The following GULP1 variants were observed in gnomAD, a reference collection of about 807,000 sequenced individuals.
The protein encoded by GULP1 is PTB domain-containing engulfment adapter protein 1.
GULP1 carries 19 observed loss-of-function variants against 40.9 expected under a neutral mutation model. That is an observed-to-expected ratio of 0.46 (90% CI 0.32 to 0.68). The LOEUF (loss-of-function observed/expected upper bound fraction) is 0.68. Ranked by LOEUF, GULP1 falls within the 30% of genes least tolerant of loss-of-function variation. GULP1 has a pLI of 0.03. For synonymous variants in GULP1, 119 were observed against 117.6 expected (o/e 1.01, Z -0.08); for missense variants, 312 against 362.2 (o/e 0.86, Z 1.12).
intron 4 of GULP1, among the ~76,000 whole-genome samples, chr2:188,483,716 TTTC>T (rs2061617046): frequency 6.6e-6 from 1 of 152,146 alleles, no homozygotes; most frequent in Non-Finnish European, 1.5e-5. Flanking sequence ...TCAAACGTGT[TTTC>T]TTCAAGTGAT....
chr2:188,371,563 GGACA>G (rs2047600840), intron 1 of GULP1, among the ~76,000 whole-genome samples: 1 of 151,934 alleles, frequency 6.6e-6, no homozygotes, highest in Non-Finnish European at 1.5e-5. Flanking sequence ...ACTGTGTATG[GGACA>G]GAGTAGTTTT....
At chr2:188,318,113 T>C (rs911062635) in intron 1 of GULP1, among the ~76,000 whole-genome samples, 2 of 152,190 alleles carry the variant, frequency 1.3e-5, no homozygotes, top group African/African-American at 2.4e-5. Context: ...TAAAATGATA[T>C]GTTAATAAAT....
At chr2:188,495,002 C>T (rs1254056199) in intron 4 of GULP1, among the ~76,000 whole-genome samples, 1 of 152,022 alleles carries the variant, frequency 6.6e-6, no homozygotes, top group Non-Finnish European at 1.5e-5. Context: ...TTGTGGTATC[C>T]TGTGCTTAAC....
chr2:188,351,470 A>C (rs1378826753), intron 1 of GULP1, among the ~76,000 whole-genome samples: 2 of 152,094 alleles, frequency 1.3e-5, no homozygotes, highest in African/African-American at 4.8e-5. Flanking sequence ...GTCCCCCCAA[A>C]TTTCAAGTCG....
At position 188,338,029 on chromosome 2, in the gene GULP1, G is replaced by A. The variant is rs184410376; in HGVS notation, c.-171-45734G>A. 3.3e-5 allele frequency among the ~76,000 whole-genome samples: 5 copies of A among 151,942 alleles called. No individual in the cohort carries two copies. The East Asian group carries it at 5.8e-4, about 18-fold the overall frequency. ...TGCTTATTTCAAAGTCCTGTTTTCC[G>A]TATTTGTATTTTCAAAATTAGTATT... On this transcript the variant is annotated intron_variant, in intron 1 of 11. Coordinates refer to ENST00000409830, the MANE Select transcript of GULP1 (RefSeq NM_016315.4).
chr2:188,452,864 A>C (rs545307800), intron 2 of GULP1, among the ~76,000 whole-genome samples: 2 of 152,360 alleles, frequency 1.3e-5, no homozygotes, highest in South Asian at 4.1e-4. Context: ...AATCATATTA[A>C]AACTATTAGC....
intron 1 of GULP1, among the ~76,000 whole-genome samples, chr2:188,309,070 T>C (rs1559094773): frequency 6.6e-6 from 1 of 152,192 alleles, no homozygotes; most frequent in African/African-American, 2.4e-5. Context: ...ATTGTTACTT[T>C]GTTGTTTTTG....
At chr2:188,369,924 G>T (rs2047381237) in intron 1 of GULP1, among the ~76,000 whole-genome samples, 2 of 152,074 alleles carry the variant, frequency 1.3e-5, no homozygotes, top group Admixed American at 6.6e-5. Flanking sequence ...GCTCACGTCA[G>T]TCTTGACTCC....
chr2:188,547,261 G>C (rs1053975889), intron 7 of GULP1, among the ~76,000 whole-genome samples: 1 of 149,792 alleles, frequency 6.7e-6, no homozygotes, highest in African/African-American at 2.5e-5. Context: ...AAAAACACTA[G>C]AGATCTGAAT....
At chr2:188,376,641 T>C in intron 1 of GULP1, among the ~76,000 whole-genome samples, 1 of 152,234 alleles carries the variant, frequency 6.6e-6, no homozygotes, top group East Asian at 1.9e-4. Context: ...TATAAACTTA[T>C]ACTTCACTTG....
intron 2 of GULP1, among the ~76,000 whole-genome samples, chr2:188,387,065 G>A (rs982404585): frequency 7.3e-5 from 11 of 151,708 alleles, no homozygotes; most frequent in Non-Finnish European, 1.0e-4. Context: ...ATGAAACCCC[G>A]TCTCTACTAA....
At chr2:188,414,232 A>AG (rs35206110) in intron 2 of GULP1, among the ~76,000 whole-genome samples, 27,900 of 148,020 alleles carry the variant, frequency 0.19, 2,855 homozygotes, top group East Asian at 0.23. Flanking sequence ...AAAAAAAAAA[A>AG]AAAAGAAAAA....
chr2:188,300,866 C>A (rs1365844097), intron 1 of GULP1, among the ~76,000 whole-genome samples: 1 of 152,164 alleles, frequency 6.6e-6, no homozygotes, highest in Non-Finnish European at 1.5e-5. Flanking sequence ...TGAAAATTGA[C>A]AATACTGTCA....
chr2:188,504,187 A>G (rs973181604), intron 4 of GULP1, among the ~76,000 whole-genome samples: 4 of 151,948 alleles, frequency 2.6e-5, no homozygotes, highest in Non-Finnish European at 4.4e-5. Flanking sequence ...AACATTAATA[A>G]CATAGAGCTA....
intron 2 of GULP1, among the ~76,000 whole-genome samples, chr2:188,433,489 C>T (rs2057107347): frequency 6.6e-6 from 1 of 152,066 alleles, no homozygotes; most frequent in South Asian, 2.1e-4. Context: ...AATTAGGATC[C>T]TGAAAACTTC....
chr2:188,493,959 A>G (rs932261813), intron 4 of GULP1, among the ~76,000 whole-genome samples: 22 of 152,038 alleles, frequency 1.4e-4, no homozygotes, highest in East Asian at 1.9e-4. Context: ...ACCTTCCTGA[A>G]TAGAATCTTG....
At chr2:188,341,478 A>G (rs2042957619) in intron 1 of GULP1, among the ~76,000 whole-genome samples, 1 of 152,144 alleles carries the variant, frequency 6.6e-6, no homozygotes. Flanking sequence ...TGGGACAGTT[A>G]TCATCATAAA....
chr2:188,380,907 A>G (rs2048929650), intron 1 of GULP1, among the ~76,000 whole-genome samples: 1 of 152,134 alleles, frequency 6.6e-6, no homozygotes, highest in African/African-American at 2.4e-5. Flanking sequence ...TTTTTCTTAA[A>G]TGGTACTGTT....
chr2:188,589,663 G>T, intron 11 of GULP1: 1 of 667,924 alleles, frequency 1.5e-6, no homozygotes, highest in Non-Finnish European at 2.4e-6. Flanking sequence ...ATGTTAAACC[G>T]TGGTGTTTTT....
Sources: gnomAD v4.1 joint callset for allele counts (sites outside exome capture counted in the v4.1 genomes callset) on GRCh38, gnomAD v4.1.1 for gene constraint, MANE v1.5 for transcripts, NCBI Gene and HGNC (gene_info 2026-07-23, HGNC 2026-07-21) for gene names.